ACBD5: variants seen among roughly 807,000 people sequenced by gnomAD.
The protein encoded by ACBD5 is acyl-CoA-binding domain-containing protein 5.
ACBD5 carries 40 observed loss-of-function variants against 71.8 expected under a neutral mutation model. The ratio of observed to expected loss-of-function variants is 0.56; its 90% CI spans 0.43 to 0.72. The LOEUF is 0.72. ACBD5 is among the 30% of genes least tolerant of loss of function. The pLI is 0.00. For synonymous variants in ACBD5, 229 were observed against 218.6 expected (o/e 1.05, Z -0.42); for missense variants, 559 against 644.5 (o/e 0.87, Z 1.44).
downstream of ACBD5, among the ~76,000 whole-genome samples, chr10:27,191,355 T>C (rs1440494373): frequency 6.6e-6 from 1 of 152,228 alleles, no homozygotes; most frequent in African/African-American, 2.4e-5. Context: ...GAAACTACTC[T>C]GTATGATATA....
rs1291840913 is a variant in ACBD5 at position 27,219,768 on chromosome 10, C to G, written c.580G>C (p.Glu194Gln). ...CCTTTCACTTCTTCTTGGGCCTCTTCTTCCTCAGACTCGGCTCCACTGTCA... is the reference window on the plus strand; with the variant it reads ...CCTTTCACTTCTTCTTGGGCCTCTTGTTCCTCAGACTCGGCTCCACTGTCA... ...SSDSGAESEE[E>Q]EAQEEVKGAE... is the part of the protein sequence containing the mutation. Residue 194 changes from glutamate (E) to glutamine (Q), a missense_variant, in exon 6 of 13, where the codon GAA (glutamate) becomes CAA (glutamine). Transcript: ENST00000396271. 1.9e-6 allele frequency: 3 copies of G among 1,614,014 alleles called. No homozygotes were observed. Among genetic ancestry groups the G allele is most frequent in the Non-Finnish European group, 2.5e-6 (3 of 1,180,026 alleles).
intron 8 of ACBD5, 121 bp downstream of exon 8, chr10:27,215,414 C>A: frequency 4.3e-6 from 3 of 692,162 alleles, no homozygotes; most frequent in Non-Finnish European, 5.0e-6. Flanking sequence ...AATGTTTAAA[C>A]ATTTTAGGAG....
At chr10:27,224,067 T>C (rs2062699975) in intron 4 of ACBD5, among the ~76,000 whole-genome samples, 1 of 151,858 alleles carries the variant, frequency 6.6e-6, no homozygotes. Flanking sequence ...ATAAATTGTG[T>C]ATTACAGCTA....
At chr10:27,212,327 G>C (rs1036441330) in intron 8 of ACBD5, among the ~76,000 whole-genome samples, 3 of 152,166 alleles carry the variant, frequency 2.0e-5, no homozygotes, top group Non-Finnish European at 2.9e-5. Flanking sequence ...CCAGAAGCCA[G>C]GTCAGACAGC....
At chr10:27,215,442 A>G in intron 8 of ACBD5, 93 bp downstream of exon 8, 1 of 817,320 alleles carries the variant, frequency 1.2e-6, no homozygotes, top group Non-Finnish European at 2.0e-6. Context: ...TCAAAATGAA[A>G]AATAGCATGT....
chr10:27,192,250 T>G (rs1236569930), downstream of ACBD5, among the ~76,000 whole-genome samples: 1 of 151,972 alleles, frequency 6.6e-6, no homozygotes, highest in East Asian at 1.9e-4. Flanking sequence ...CTTGACACTT[T>G]TTTTTTAAGT....
intron 8 of ACBD5, among the ~76,000 whole-genome samples, chr10:27,212,453 C>T (rs1314603587): frequency 6.6e-6 from 1 of 152,084 alleles, no homozygotes; most frequent in Non-Finnish European, 1.5e-5. Flanking sequence ...TCAACCTTCC[C>T]CAAATATCTC....
At chr10:27,187,647 G>A (rs61082197) in intron 13 of ACBD5, among the ~76,000 whole-genome samples, 8,446 of 151,854 alleles carry the variant, frequency 0.056, 472 homozygotes, top group African/African-American at 0.15. Context: ...AGCTACTTGG[G>A]AGGCTGAGGC....
intron 6 of ACBD5, 75 bp from the exon 7 acceptor site, chr10:27,218,258 A>C: frequency 8.4e-7 from 1 of 1,190,636 alleles, no homozygotes; most frequent in South Asian, 1.2e-5. Context: ...TTTAATATCC[A>C]GCTGTTATTT....
At chr10:27,194,953 G>A (rs1206050588), downstream of ACBD5, among the ~76,000 whole-genome samples, 8 of 152,032 alleles carry the variant, frequency 5.3e-5, no homozygotes, top group Admixed American at 1.3e-4. Flanking sequence ...CCGAGATCAC[G>A]CCACTGCACT....
intron 4 of ACBD5, among the ~76,000 whole-genome samples, chr10:27,226,639 T>C (rs1361627046): frequency 1.3e-5 from 1 of 78,852 alleles, no homozygotes; most frequent in Non-Finnish European, 2.8e-5. Context: ...AACTTTCTTT[T>C]TTTTTTTTAA....
At chr10:27,186,465 G>T (rs1384994595) in intron 13 of ACBD5, 1 of 1,614,130 alleles carries the variant, frequency 6.2e-7, no homozygotes. Flanking sequence ...GCCAGATGAT[G>T]AAACAGATAC....
rs769673776 is a variant in ACBD5 at position 27,208,457 on chromosome 10, G to C, written c.1205-12C>G. On this transcript the variant is annotated splice_polypyrimidine_tract_variant and intron_variant, in intron 9 of 12. Transcript: ENST00000396271. ...TTGCATCCTATGTCCTATTTTAAGAGGCAAAAATAAGCTTGTTTTAAATAA... is the reference window on the plus strand; with the variant it reads ...TTGCATCCTATGTCCTATTTTAAGACGCAAAAATAAGCTTGTTTTAAATAA... 6.2e-7 allele frequency: 1 copy of C among 1,612,808 alleles called. No individual in the cohort carries two copies. The highest frequency in any genetic ancestry group is 8.5e-7 in the Non-Finnish European group (1 of 1,179,648).
chr10:27,218,919 T>C (rs930688012), intron 6 of ACBD5, among the ~76,000 whole-genome samples: 27 of 152,110 alleles, frequency 1.8e-4, no homozygotes, highest in Admixed American at 1.8e-3. Context: ...GTCTCCCCTT[T>C]TGAAAACAGT....
At chr10:27,236,847 T>G (rs1041551722) in intron 2 of ACBD5, among the ~76,000 whole-genome samples, 1 of 134,500 alleles carries the variant, frequency 7.4e-6, no homozygotes, top group African/African-American at 2.8e-5. Context: ...ATCACACCAC[T>G]GCACTACAGC....
intron 2 of ACBD5, among the ~76,000 whole-genome samples, chr10:27,236,073 C>T (rs12246444): frequency 1.3e-5 from 2 of 149,124 alleles, no homozygotes; most frequent in Admixed American, 6.7e-5. Flanking sequence ...GTGATCACAC[C>T]ACTGCACTAC....
At chr10:27,239,212 T>C (rs1589424312) in intron 2 of ACBD5, among the ~76,000 whole-genome samples, 2 of 152,110 alleles carry the variant, frequency 1.3e-5, no homozygotes, top group African/African-American at 4.8e-5. Flanking sequence ...GAAATAAATA[T>C]GTTTATTGTG....
intron 2 of ACBD5, among the ~76,000 whole-genome samples, chr10:27,235,748 T>C (rs1324363985): frequency 1.3e-5 from 2 of 152,236 alleles, no homozygotes; most frequent in Non-Finnish European, 2.9e-5. Context: ...CTCTGTAATT[T>C]TGGAGACATC....
Position 27,196,349 on chromosome 10 carries a change from G to A in ACBD5, c.*1081C>T, listed in dbSNP as rs1564536253. 4.4e-6 allele frequency: 2 copies of A among 454,088 alleles called. No homozygotes were observed. The highest frequency in any genetic ancestry group is 4.7e-5 in the Admixed American group (2 of 42,550). 28.1% of individuals were successfully genotyped at this position (454,088 alleles called of 1,614,324 possible). A position where few individuals can be genotyped will look rare whatever the true frequency, so the allele number is the denominator to read the frequency against. ...CTTCTTTTTGGTCTAGATGAGAGAG[G>A]TGGGGAAGAGGGACTTAAATTTCTG... On this transcript the variant is annotated 3_prime_UTR_variant, in exon 13 of 13. Transcript: ENST00000396271.
Sources: gnomAD v4.1 joint callset for allele counts (sites outside exome capture counted in the v4.1 genomes callset) on GRCh38, gnomAD v4.1.1 for gene constraint, MANE v1.5 for transcripts, NCBI Gene and HGNC (gene_info 2026-07-23, HGNC 2026-07-21) for gene names.